GNPTG: variants seen among roughly 807,000 people sequenced by gnomAD.
The protein encoded by GNPTG is N-acetylglucosamine-1-phosphate transferase subunit gamma.
A neutral mutation model predicts 43.8 loss-of-function variants in GNPTG; 46 were observed. The ratio of observed to expected loss-of-function variants is 1.05; its 90% CI spans 0.83 to 1.34. GNPTG has a LOEUF of 1.34. Ranked by LOEUF, GNPTG falls within the 40% of genes most tolerant of loss-of-function variation. The pLI is 0.00. For synonymous variants in GNPTG, 250 were observed against 172.8 expected, an observed-to-expected ratio of 1.45 and a Z score of -3.50; for missense variants, 549 against 411.3, an observed-to-expected ratio of 1.33 and a Z score of -2.90.
intron 3 of GNPTG, among the ~76,000 whole-genome samples, chr16:1,360,325 T>C (rs1370623572): frequency 1.3e-5 from 2 of 152,112 alleles, no homozygotes; most frequent in Non-Finnish European, 2.9e-5. Context: ...TGTCTTTAAA[T>C]CTGAAGTTAG....
At position 1,362,052 on chromosome 16, in the gene GNPTG, G is replaced by T. The variant is rs1253842676; in HGVS notation, c.332G>T (p.Trp111Leu). The part of the protein sequence containing the change: ...YSGILGIWHE[W>L]EIANNTFTGM... ...TGTCTCCCCAGCATCTGGCACGAGT[G>T]GGAGATCGCCAACAACACCTTCACG... The change falls in exon 6 of 11, where the codon TGG becomes TTG. Residue 111 changes from tryptophan to leucine, a missense_variant. Transcript: ENST00000204679. 5 of 1,612,668 alleles carry T rather than the reference G, an allele frequency of 3.1e-6. No individual in the cohort carries two copies. Among genetic ancestry groups the T allele is most frequent in the Non-Finnish European group, 4.2e-6 (5 of 1,179,658 alleles).
rs758954616 is a variant in GNPTG, at chr16:1,352,107, G to A, written c.58G>A (p.Ala20Thr). Reference protein sequence around the residue: ...LLLGLSAGGPAPAGAAKMKVV... With the variant: ...LLLGLSAGGPTPAGAAKMKVV... ...CACGGTCTCGCTCCCCGTAGGGCCC[G>A]CGCCGGCAGGTGCAGCGAAGATGAA... The change falls in exon 2 of 11, where the codon GCG (alanine) becomes ACG (threonine). Residue 20 changes from alanine (A) to threonine (T), a missense_variant. Physicochemically the swap from Ala to Thr is moderately conservative, Grantham distance 58. Coordinates refer to ENST00000204679, the MANE Select transcript of GNPTG (RefSeq NM_032520.5). 3.8e-6 allele frequency: 6 copies of A among 1,573,718 alleles called. No homozygotes were observed. The highest frequency in any genetic ancestry group is 2.3e-5 in the East Asian group (1 of 42,836).
chr16:1,361,968 G>A lies in GNPTG; in HGVS notation c.317+13G>A, dbSNP rs559549488. On this transcript the variant is annotated intron_variant, in intron 5 of 10. Coordinates refer to ENST00000204679, the MANE Select transcript of GNPTG (RefSeq NM_032520.5). ...GTGGGATCCTCGGGTGAGTGGGGCC[G>A]GGGCAGGGATCCCAAAGCAGCAGCG... 39 of 1,613,328 alleles carry A rather than the reference G, an allele frequency of 2.4e-5. No homozygotes were observed. The highest frequency in any genetic ancestry group is 8.0e-5 in the African/African-American group (6 of 75,072).
intron 7 of GNPTG, 47 bp downstream of exon 7, chr16:1,362,367 G>C (rs767424059): frequency 1.2e-6 from 2 of 1,607,800 alleles, no homozygotes; most frequent in Non-Finnish European, 1.7e-6. Flanking sequence ...AGCCGCGCAC[G>C]CAGCCCTGCT....
In GNPTG at chr16:1,352,248, C is replaced by T; in HGVS notation, c.120C>T (p.Asn40=). ...TTGCCGCTTCCCGTAGGGTGAACAACCCGTTCTTGCCTCAGGCCAGTCGCC... is the reference window on the plus strand; with the variant it reads ...TTGCCGCTTCCCGTAGGGTGAACAATCCGTTCTTGCCTCAGGCCAGTCGCC... The part of the protein sequence containing the change: ...VEEPNAFGVN[N]PFLPQASRLQ... The change falls in exon 3 of 11, where the codon AAC becomes AAT. Residue 40 remains asparagine (N), a synonymous_variant. Coordinates refer to ENST00000204679, the MANE Select transcript of GNPTG (RefSeq NM_032520.5). 2 of 1,548,720 alleles carry T rather than the reference C, an allele frequency of 1.3e-6. No homozygotes were observed. The highest frequency in any genetic ancestry group is 1.7e-6 in the Non-Finnish European group (2 of 1,146,958).
At chr16:1,354,518 G>A (rs1283036446) in intron 3 of GNPTG, among the ~76,000 whole-genome samples, 1 of 146,958 alleles carries the variant, frequency 6.8e-6, no homozygotes, top group African/African-American at 2.5e-5. Context: ...TCCAGGAGGC[G>A]GAGGCTGCGG....
In GNPTG at chr16:1,362,904, C is replaced by T. The variant is rs1567185600; in HGVS notation, c.821C>T (p.Thr274Ile). The change falls in exon 10 of 11, where the codon ACA (threonine) becomes ATA (isoleucine). Residue 274 changes from threonine to isoleucine, a missense_variant and splice_region_variant. By Grantham distance (89) the Thr-to-Ile change is moderately conservative (BLOSUM62 -1). Transcript: ENST00000204679. ...CACGGCATCCCCTACACGAGGCCCA[C>T]AGGTGAGTCACCTGTGGGGAGAGGG... ...TQHGIPYTRP[T>I]ETSNLEHLGH... 1 of 1,614,086 alleles carries T rather than the reference C, an allele frequency of 6.2e-7. No individual in the cohort carries two copies. The highest frequency in any genetic ancestry group is 1.1e-5 in the South Asian group (1 of 91,082).
chr16:1,360,077 C>T (rs554446836), intron 3 of GNPTG, among the ~76,000 whole-genome samples: 1 of 151,720 alleles, frequency 6.6e-6, no homozygotes, highest in African/African-American at 2.4e-5. Flanking sequence ...CACTGCAATC[C>T]AGCCTGGCGA....
intron 3 of GNPTG, among the ~76,000 whole-genome samples, chr16:1,353,564 C>T (rs188696976): frequency 6.6e-6 from 1 of 152,160 alleles, no homozygotes; most frequent in Non-Finnish European, 1.5e-5. Flanking sequence ...TGCTCTCTCA[C>T]TCGGGCTGGA....
At position 1,363,218 on chromosome 16, in the gene GNPTG, T is replaced by G; in HGVS notation, c.*127T>G. 1 of 782,332 alleles carries G rather than the reference T, an allele frequency of 1.3e-6. No individual in the cohort carries two copies. Among genetic ancestry groups the G allele is most frequent in the Non-Finnish European group, 2.2e-6 (1 of 459,664 alleles). 48.5% of individuals were successfully genotyped at this position (782,332 alleles called of 1,614,324 possible). On this transcript the variant is annotated 3_prime_UTR_variant, in exon 11 of 11. Transcript: ENST00000204679. ...AGCAGACAAAACAAAGATTCAAGGT[T>G]TTAATTAATTCCCATACTGATAAAA...
In GNPTG at chr16:1,360,192, T is replaced by G. The variant is rs192513124; in HGVS notation, c.179-1551T>G. On this transcript the variant is annotated intron_variant, in intron 3 of 10. Coordinates refer to ENST00000204679, the MANE Select transcript of GNPTG (RefSeq NM_032520.5). ...TTGTGCGTGGATAATTGTGGTGTCT[T>G]GGCACATTGACCCTTTTATCAATGT... Among the ~76,000 whole-genome samples the G allele has an allele frequency of 2.7e-3, 408 of 152,348 alleles. 2 individuals are homozygous for G. Among genetic ancestry groups the G allele is most frequent in the Non-Finnish European group, 4.7e-3 (320 of 68,034 alleles).
rs2034974791 is a variant in GNPTG at position 1,363,226 on chromosome 16, A to G, written c.*135A>G. ...AAACAAAGATTCAAGGTTTTAATTAATTCCCATACTGATAAAAATAACTCC... is the reference window on the plus strand; with the variant it reads ...AAACAAAGATTCAAGGTTTTAATTAGTTCCCATACTGATAAAAATAACTCC... On this transcript the variant is annotated 3_prime_UTR_variant, in exon 11 of 11. Transcript: ENST00000204679. 3 of 740,830 alleles carry G rather than the reference A, an allele frequency of 4.0e-6. No homozygotes were observed. In the Admixed American group the frequency reaches 6.3e-5, roughly 15 times the overall value. 45.9% of individuals were successfully genotyped at this position (740,830 alleles called of 1,614,324 possible). A position where few individuals can be genotyped will look rare whatever the true frequency, so the allele number is the denominator to read the frequency against.
At position 1,351,956 on chromosome 16, in the gene GNPTG, C is replaced by A. The variant is rs1017797000; in HGVS notation, c.-10C>A. ...ACTTCACGTGACCGCGCGGCGGCCGCTGCGGCGCGATGGCGGCGGGGCTGG... is the reference window on the plus strand; with the variant it reads ...ACTTCACGTGACCGCGCGGCGGCCGATGCGGCGCGATGGCGGCGGGGCTGG... On this transcript the variant is annotated 5_prime_UTR_variant, in exon 1 of 11. The change creates a new upstream start codon in the 5' untranslated region. Coordinates refer to ENST00000204679, the MANE Select transcript of GNPTG (RefSeq NM_032520.5). 1,294 of 1,291,514 alleles carry A rather than the reference C, an allele frequency of 1.0e-3. 5 individuals are homozygous for A. The highest frequency in any genetic ancestry group is 1.2e-3 in the Non-Finnish European group (1,234 of 1,025,466). 80.0% of individuals were successfully genotyped at this position (1,291,514 alleles called of 1,614,324 possible).
chr16:1,354,929 C>T (rs373344804), intron 3 of GNPTG, among the ~76,000 whole-genome samples: 5 of 151,870 alleles, frequency 3.3e-5, no homozygotes, highest in East Asian at 1.9e-4. Flanking sequence ...TTGTCTCCCA[C>T]GTCTGTGGGG....
Position 1,362,004 on chromosome 16 carries a change from C to A in GNPTG, c.318-34C>A, listed in dbSNP as rs2072987. ...CCCAAAGCAGCAGCGCAGCTCCCCA[C>A]CCGGCCTCACGTGCCGTGCCCGTGT... On this transcript the variant is annotated intron_variant, in intron 5 of 10. Coordinates refer to ENST00000204679, the MANE Select transcript of GNPTG (RefSeq NM_032520.5). 5.0e-6 allele frequency: 8 copies of A among 1,612,922 alleles called. No homozygotes were observed. The Middle Eastern group carries it at 1.2e-3, about 233-fold the overall frequency.
chr16:1,362,158 A>C (rs1311293282), intron 6 of GNPTG, 27 bp downstream of exon 6: 1 of 1,612,708 alleles, frequency 6.2e-7, no homozygotes. Flanking sequence ...GAGCCCGGGA[A>C]GAGGGGCCCC....
intron 3 of GNPTG, among the ~76,000 whole-genome samples, chr16:1,354,620 T>C (rs998921939): frequency 3.6e-4 from 39 of 109,548 alleles, no homozygotes; most frequent in Non-Finnish European, 6.5e-4. Context: ...CCCATAAAAA[T>C]TTAGAAAAGA....
chr16:1,362,735 G>T lies in GNPTG; in HGVS notation c.734G>T (p.Cys245Phe). 1 of 1,614,046 alleles carries T rather than the reference G, an allele frequency of 6.2e-7. No homozygotes were observed. The highest frequency in any genetic ancestry group is 8.5e-7 in the Non-Finnish European group (1 of 1,180,018). ...DSLGFETLEN[C>F]RKAHKELSKE... ...TTGGGGTTTGAGACCCTGGAAAACTGCAGGAAGGTACCGTATTGGGGGGAG... is the reference window on the plus strand; with the variant it reads ...TTGGGGTTTGAGACCCTGGAAAACTTCAGGAAGGTACCGTATTGGGGGGAG... The change falls in exon 9 of 11, where the codon TGC (cysteine) becomes TTC (phenylalanine). Residue 245 changes from cysteine to phenylalanine, a missense_variant. Physicochemically the swap from Cys to Phe is radical, Grantham distance 205. Coordinates refer to ENST00000204679, the MANE Select transcript of GNPTG (RefSeq NM_032520.5).
At chr16:1,357,460 C>T (rs1234152414) in intron 3 of GNPTG, among the ~76,000 whole-genome samples, 3 of 152,082 alleles carry the variant, frequency 2.0e-5, no homozygotes, top group Non-Finnish European at 4.4e-5. Context: ...AACAGTCACC[C>T]AGCACCTCGT....
Sources: allele counts gnomAD v4.1 joint callset (sites outside exome capture counted in the v4.1 genomes callset), GRCh38; gene constraint gnomAD v4.1.1; transcripts MANE v1.5; gene names NCBI Gene and HGNC (gene_info 2026-07-23, HGNC 2026-07-21).